Variants in LRFN5 observed in about 807,000 individuals in gnomAD.
The protein encoded by LRFN5 is leucine rich repeat and fibronectin type III domain containing 5, also known as leucine-rich repeat and fibronectin type-III domain-containing protein 5.
A neutral mutation model predicts 45.6 loss-of-function variants in LRFN5; 24 were observed. The observed-to-expected ratio is 0.53, with a 90% CI of 0.38 to 0.74. LRFN5 has a LOEUF of 0.74. LRFN5 is among the 30% of genes least tolerant of loss of function. The probability of loss-of-function intolerance (pLI) is 0.00; values close to 1 mark genes in which losing one functional copy is unlikely to be tolerated. For synonymous variants in LRFN5, 340 were observed against 313.8 expected (o/e 1.08, Z -0.88); for missense variants, 776 against 861.5 (o/e 0.90, Z 1.24).
intron 2 of LRFN5, among the ~76,000 whole-genome samples, chr14:41,852,515 G>C (rs751517141): frequency 2.7e-4 from 41 of 151,810 alleles, no homozygotes; most frequent in Non-Finnish European, 5.5e-4. Flanking sequence ...AATTATGAAA[G>C]ACATTCAGAC....
chr14:41,670,184 C>A (rs1441674731), intron 1 of LRFN5, among the ~76,000 whole-genome samples: 3 of 127,916 alleles, frequency 2.3e-5, no homozygotes, highest in Non-Finnish European at 3.3e-5. Flanking sequence ...TACACATTCT[C>A]TATATATATA....
At chr14:41,628,721 G>A (rs748003317) in intron 1 of LRFN5, among the ~76,000 whole-genome samples, 16 of 152,212 alleles carry the variant, frequency 1.1e-4, no homozygotes, top group Non-Finnish European at 5.9e-5. Flanking sequence ...TTGATTAAAT[G>A]TATTGAGCAC....
chr14:41,787,337 C>T (rs543247875), intron 2 of LRFN5, among the ~76,000 whole-genome samples: 129 of 152,172 alleles, frequency 8.5e-4, no homozygotes, highest in African/African-American at 3.0e-3. Flanking sequence ...CCCAACCAAA[C>T]TTATAGGTTC....
chr14:41,858,890 C>T (rs1382093590), intron 2 of LRFN5, among the ~76,000 whole-genome samples: 1 of 152,200 alleles, frequency 6.6e-6, no homozygotes, highest in Non-Finnish European at 1.5e-5. Flanking sequence ...TACTTTGTAG[C>T]ATTGTTCTTT....
At chr14:41,856,168 A>G (rs534038072) in intron 2 of LRFN5, among the ~76,000 whole-genome samples, 2 of 152,352 alleles carry the variant, frequency 1.3e-5, no homozygotes, top group East Asian at 1.9e-4. Context: ...TTCAGCAAAT[A>G]TAGCAAATGT....
rs1358033800 is a variant in LRFN5, at chr14:41,692,287, G to C, written c.-196-74567G>C. On this transcript the variant is annotated intron_variant, in intron 1 of 5. Coordinates refer to ENST00000298119, the MANE Select transcript of LRFN5 (RefSeq NM_152447.5). ...AATTTTAGCTGTTCTTGGAATAAAT[G>C]CTGTCTTTTTTTTGTTAATTTTTAT... Among the ~76,000 whole-genome samples, 9 of 151,922 alleles carry C rather than the reference G, an allele frequency of 5.9e-5. No individual in the cohort carries two copies. In the South Asian group the frequency reaches 8.3e-4, roughly 14 times the overall value.
Position 41,675,677 on chromosome 14 carries a change from G to A in LRFN5, c.-197+67115G>A, listed in dbSNP as rs375804100. On this transcript the variant is annotated intron_variant, in intron 1 of 5. Transcript: ENST00000298119. Reference sequence around the variant, plus strand: ...TTTATTGTATTTATTGCATATGAGGGCCTAAATGAATAAGCCTTTATTTCC... The same window carrying A: ...TTTATTGTATTTATTGCATATGAGGACCTAAATGAATAAGCCTTTATTTCC... Among the ~76,000 whole-genome samples, 14 of 151,984 alleles carry A rather than the reference G, an allele frequency of 9.2e-5. No homozygotes were observed. In the South Asian group the frequency reaches 2.9e-3, roughly 32 times the overall value.
intron 1 of LRFN5, among the ~76,000 whole-genome samples, chr14:41,705,105 G>GTT (rs1491547416): frequency 6.6e-6 from 1 of 151,894 alleles, no homozygotes; most frequent in Non-Finnish European, 1.5e-5. Flanking sequence ...TTTTCAAAAG[G>GTT]AGAGAGTAAC....
Position 41,766,512 on chromosome 14 carries a change from ATATGTTAACTTATGCACTGTT to A in LRFN5, c.-196-340_-196-320del, listed in dbSNP as rs372033681. ...CGTAAGTAGTAGGTGATGCTTAAAT[ATATGTTAACTTATGCACTGTT>A]TTAACATTAGACTGCAAGTTGAATT... On this transcript the variant is annotated intron_variant, in intron 1 of 5. Transcript: ENST00000298119. 2.4e-3 allele frequency among the ~76,000 whole-genome samples: 370 copies of A among 152,332 alleles called. 2 individuals are homozygous for A. Among genetic ancestry groups the A allele is most frequent in the South Asian group, 0.01 (50 of 4,828 alleles).
chr14:41,901,504 C>T (rs914156105), intron 5 of LRFN5, among the ~76,000 whole-genome samples: 11 of 151,070 alleles, frequency 7.3e-5, no homozygotes, highest in Admixed American at 1.3e-4. Context: ...TCTGTGATTG[C>T]TTGCACAGGC....
intron 2 of LRFN5, among the ~76,000 whole-genome samples, chr14:41,825,336 C>T (rs1888258032): frequency 1.3e-5 from 2 of 152,300 alleles, no homozygotes; most frequent in South Asian, 4.2e-4. Flanking sequence ...GCTGGTACTG[C>T]CTGGCTGCTG....
intron 2 of LRFN5, among the ~76,000 whole-genome samples, chr14:41,842,388 A>G (rs1368142179): frequency 6.6e-6 from 1 of 152,128 alleles, no homozygotes; most frequent in East Asian, 1.9e-4. Flanking sequence ...TAGTTATGTC[A>G]AAACTACACT....
At chr14:41,658,859 G>T (rs1265376977) in intron 1 of LRFN5, among the ~76,000 whole-genome samples, 8 of 151,732 alleles carry the variant, frequency 5.3e-5, no homozygotes, top group Non-Finnish European at 8.8e-5. Flanking sequence ...CCTAATAATA[G>T]ATCTGAAGAT....
In LRFN5 at chr14:41,733,299, CA is replaced by C. The variant is rs554353651; in HGVS notation, c.-196-33552del. Among the ~76,000 whole-genome samples the C allele has an allele frequency of 2.2e-3, 329 of 151,928 alleles. 1 individual carries two copies. Among genetic ancestry groups the C allele is most frequent in the African/African-American group, 7.0e-3 (290 of 41,446 alleles). Reference sequence around the variant, plus strand: ...ATTATATAATCAAACTGTTTAAAGACAAATAAATTTGAAAGCAGCATGGGAG... The same window carrying C: ...ATTATATAATCAAACTGTTTAAAGACAATAAATTTGAAAGCAGCATGGGAG... On this transcript the variant is annotated intron_variant, in intron 1 of 5. Transcript: ENST00000298119.
intron 1 of LRFN5, among the ~76,000 whole-genome samples, chr14:41,656,104 C>G (rs1317771964): frequency 1.3e-5 from 2 of 151,940 alleles, no homozygotes; most frequent in Non-Finnish European, 2.9e-5. Context: ...AATCTTAGTG[C>G]CATTGCCTTG....
intron 2 of LRFN5, among the ~76,000 whole-genome samples, chr14:41,778,617 C>T (rs931046053): frequency 2.0e-5 from 3 of 151,732 alleles, no homozygotes; most frequent in African/African-American, 7.2e-5. Flanking sequence ...CTCATGTACA[C>T]TTTAATTAAT....
intron 2 of LRFN5, among the ~76,000 whole-genome samples, chr14:41,846,283 A>G (rs1264069220): frequency 6.6e-6 from 1 of 152,092 alleles, no homozygotes; most frequent in Non-Finnish European, 1.5e-5. Context: ...TATGAACTCA[A>G]CATATATTTG....
Position 41,813,658 on chromosome 14 carries a change from T to C in LRFN5, c.-21+46629T>C, listed in dbSNP as rs1887815652. On this transcript the variant is annotated intron_variant, in intron 2 of 5. Transcript: ENST00000298119. ...AATAGTGCCACAATAAACATATGTG[T>C]GCGTGTGTCTTTACAGTAGAATGAT... 3.9e-5 allele frequency among the ~76,000 whole-genome samples: 6 copies of C among 152,202 alleles called. No homozygotes were observed. In the South Asian group the frequency reaches 1.2e-3, roughly 32 times the overall value.
chr14:41,895,355 G>A (rs959876416), intron 4 of LRFN5, among the ~76,000 whole-genome samples: 3 of 152,100 alleles, frequency 2.0e-5, no homozygotes, highest in Non-Finnish European at 4.4e-5. Flanking sequence ...CTGGGCACGG[G>A]GGCTCACACT....
Sources: allele counts gnomAD v4.1 joint callset (sites outside exome capture counted in the v4.1 genomes callset), GRCh38; gene constraint gnomAD v4.1.1; transcripts MANE v1.5; gene names NCBI Gene and HGNC (gene_info 2026-07-23, HGNC 2026-07-21).